Variants in PLD5 observed in about 807,000 individuals in gnomAD.
PLD5 encodes phospholipase D family member 5, also known as inactive phospholipase D5.
In PLD5, 36 loss-of-function variants were observed where a neutral mutation model predicts 61.1. The ratio of observed to expected loss-of-function variants is 0.59; its 90% CI spans 0.45 to 0.78. The LOEUF is 0.78. PLD5 is among the 30% of genes least tolerant of loss of function. PLD5 has a pLI of 0.00. For missense variants in PLD5, 515 were observed against 644.4 expected (o/e 0.80, Z 2.17); for synonymous variants, 243 against 242.8 (o/e 1.00, Z -0.01).
At chr1:242,156,799 T>C (rs1368834282) in intron 5 of PLD5, among the ~76,000 whole-genome samples, 1 of 152,182 alleles carries the variant, frequency 6.6e-6, no homozygotes, top group East Asian at 1.9e-4. Flanking sequence ...TTACTTCACT[T>C]CAACCTTGGT....
chr1:242,090,690 C>A (rs1659754175), intron 9 of PLD5, among the ~76,000 whole-genome samples: 1 of 152,152 alleles, frequency 6.6e-6, no homozygotes, highest in South Asian at 2.1e-4. Flanking sequence ...GTATGACTGC[C>A]CGTGTTATGT....
At chr1:242,281,207 T>G (rs1403631243) in intron 3 of PLD5, among the ~76,000 whole-genome samples, 1 of 152,208 alleles carries the variant, frequency 6.6e-6, no homozygotes, top group Non-Finnish European at 1.5e-5. Context: ...GAAACAAACA[T>G]GGCAAGGAAA....
intron 3 of PLD5, among the ~76,000 whole-genome samples, chr1:242,270,793 C>T (rs1367404634): frequency 6.6e-6 from 1 of 152,218 alleles, no homozygotes; most frequent in Non-Finnish European, 1.5e-5. Context: ...GAGAGGCCTC[C>T]TTTGGTTGCC....
Position 242,279,349 on chromosome 1 carries a change from G to A in PLD5, c.495+9013C>T, listed in dbSNP as rs1001484046. 4.7e-4 allele frequency among the ~76,000 whole-genome samples: 71 copies of A among 152,192 alleles called. 1 individual carries two copies. Among genetic ancestry groups the A allele is most frequent in the African/African-American group, 1.5e-3 (61 of 41,532 alleles). On this transcript the variant is annotated intron_variant, in intron 3 of 9. Transcript: ENST00000536534. ...GGGTGCCCAGTAAAATCCCCTCATCGTTTTTAGAAGTATTGAAGCCTGGGC... is the reference window on the plus strand; with the variant it reads ...GGGTGCCCAGTAAAATCCCCTCATCATTTTTAGAAGTATTGAAGCCTGGGC...
At chr1:242,101,113 C>T (rs1049370255) in intron 8 of PLD5, among the ~76,000 whole-genome samples, 1 of 152,188 alleles carries the variant, frequency 6.6e-6, no homozygotes, top group African/African-American at 2.4e-5. Context: ...AGCTTTGAAG[C>T]ATGCCTCAGG....
At chr1:242,421,056 T>TACGTGGTGGC (rs1665112711) in intron 1 of PLD5, among the ~76,000 whole-genome samples, 1 of 151,498 alleles carries the variant, frequency 6.6e-6, no homozygotes, top group African/African-American at 2.4e-5. Context: ...GGCACGCGCC[T>TACGTGGTGGC]GTAGTCCCAG....
chr1:242,218,772 T>A (rs1336233320), intron 5 of PLD5, among the ~76,000 whole-genome samples: 1 of 152,250 alleles, frequency 6.6e-6, no homozygotes, highest in Non-Finnish European at 1.5e-5. Context: ...GAGTTCCAGC[T>A]TTGCCACTTC....
At chr1:242,372,652 A>G (rs929340896) in intron 1 of PLD5, among the ~76,000 whole-genome samples, 3 of 152,220 alleles carry the variant, frequency 2.0e-5, no homozygotes, top group Admixed American at 1.3e-4. Context: ...ATGTACAACC[A>G]TCTGATCTTT....
intron 5 of PLD5, among the ~76,000 whole-genome samples, chr1:242,197,494 C>G (rs1430541926): frequency 2.0e-5 from 3 of 152,170 alleles, no homozygotes; most frequent in African/African-American, 7.2e-5. Context: ...CCACAAACCA[C>G]TTCACCTCTG....
At chr1:242,419,026 A>C (rs954561552) in intron 1 of PLD5, among the ~76,000 whole-genome samples, 6 of 152,110 alleles carry the variant, frequency 3.9e-5, no homozygotes, top group African/African-American at 1.2e-4. Flanking sequence ...TCACACAGAG[A>C]CATTGGGTCA....
At chr1:242,358,657 T>A (rs538911847) in intron 1 of PLD5, among the ~76,000 whole-genome samples, 34 of 152,056 alleles carry the variant, frequency 2.2e-4, no homozygotes, top group South Asian at 4.2e-4. Context: ...TGGAATATAC[T>A]GCTATCTGGA....
chr1:242,390,381 C>T (rs923520005), intron 1 of PLD5, among the ~76,000 whole-genome samples: 2 of 152,146 alleles, frequency 1.3e-5, no homozygotes, highest in Non-Finnish European at 2.9e-5. Flanking sequence ...ATACTAAAAA[C>T]ATATTTGTTC....
At chr1:242,516,849 C>A (rs1476626126) in intron 1 of PLD5, among the ~76,000 whole-genome samples, 1 of 152,208 alleles carries the variant, frequency 6.6e-6, no homozygotes. Flanking sequence ...TACACACACA[C>A]ACAAACTTGT....
chr1:242,280,790 C>T (rs143767812), intron 3 of PLD5, among the ~76,000 whole-genome samples: 21 of 152,256 alleles, frequency 1.4e-4, no homozygotes, highest in Middle Eastern at 3.4e-3. Context: ...TCAGGCCACA[C>T]GAGTATTAGA....
intron 1 of PLD5, among the ~76,000 whole-genome samples, chr1:242,354,802 T>C (rs921089755): frequency 5.3e-5 from 8 of 150,416 alleles, no homozygotes; most frequent in African/African-American, 2.0e-4. Context: ...ATTTCTCCTA[T>C]ATACAATTTG....
intron 8 of PLD5, among the ~76,000 whole-genome samples, chr1:242,101,997 C>T (rs775359938): frequency 5.3e-5 from 8 of 152,162 alleles, no homozygotes; most frequent in Non-Finnish European, 8.8e-5. Flanking sequence ...CCTGGTTCAC[C>T]CAGTGTCCTC....
intron 1 of PLD5, among the ~76,000 whole-genome samples, chr1:242,500,339 T>C (rs1405463304): frequency 6.6e-6 from 1 of 152,238 alleles, no homozygotes; most frequent in Non-Finnish European, 1.5e-5. Context: ...AAACACAGTT[T>C]ATTTGGTTAA....
At chr1:242,245,292 C>A (rs1672290937) in intron 4 of PLD5, among the ~76,000 whole-genome samples, 1 of 152,206 alleles carries the variant, frequency 6.6e-6, no homozygotes, top group Non-Finnish European at 1.5e-5. Flanking sequence ...GAAGCATGAA[C>A]AATCTTGACT....
intron 3 of PLD5, among the ~76,000 whole-genome samples, chr1:242,283,790 CA>C (rs1459941812): frequency 1.3e-5 from 2 of 151,988 alleles, no homozygotes; most frequent in African/African-American, 2.4e-5. Context: ...CACACAAGTC[CA>C]AAGACTGCCT....
Sources: gnomAD v4.1 joint callset for allele counts (sites outside exome capture counted in the v4.1 genomes callset) on GRCh38, gnomAD v4.1.1 for gene constraint, MANE v1.5 for transcripts, NCBI Gene and HGNC (gene_info 2026-07-23, HGNC 2026-07-21) for gene names.